CALN1: variants seen among roughly 807,000 people sequenced by gnomAD.
CALN1 encodes calneuron 1.
Under a neutral mutation model 30.6 loss-of-function variants are expected in CALN1, and 17 were observed. The ratio of observed to expected loss-of-function variants is 0.56; its 90% CI spans 0.38 to 0.83. CALN1 has a LOEUF of 0.83. Among genes scored for constraint, CALN1 ranks in the 40% least tolerant of loss-of-function variants. The pLI is 0.00. For synonymous variants in CALN1, 156 were observed against 131.4 expected, an observed-to-expected ratio of 1.19 and a Z score of -1.28; for missense variants, 291 against 354.9, an observed-to-expected ratio of 0.82 and a Z score of 1.45.
intron 2 of CALN1, among the ~76,000 whole-genome samples, chr7:72,365,078 G>A (rs959316246): frequency 6.6e-5 from 10 of 152,104 alleles, no homozygotes; most frequent in African/African-American, 2.4e-4. Context: ...GCCAAGGCAG[G>A]TGGATCACCT....
At chr7:72,172,678 A>G (rs1789055862) in intron 3 of CALN1, among the ~76,000 whole-genome samples, 1 of 152,250 alleles carries the variant, frequency 6.6e-6, no homozygotes, top group African/African-American at 2.4e-5. Flanking sequence ...TCAACTGAAT[A>G]AGTTGAAAAT....
At chr7:72,391,982 C>T (rs1805609987) in intron 2 of CALN1, among the ~76,000 whole-genome samples, 1 of 152,172 alleles carries the variant, frequency 6.6e-6, no homozygotes, top group Admixed American at 6.5e-5. Context: ...CTGCTTTGAC[C>T]CCTAGAGTAT....
At chr7:71,847,922 C>T (rs1325066636) in intron 5 of CALN1, among the ~76,000 whole-genome samples, 3 of 152,020 alleles carry the variant, frequency 2.0e-5, no homozygotes, top group Non-Finnish European at 4.4e-5. Context: ...GTAAGAAGTG[C>T]CTTTTTTCTT....
At chr7:72,200,874 A>G (rs1791370561) in intron 3 of CALN1, among the ~76,000 whole-genome samples, 1 of 152,206 alleles carries the variant, frequency 6.6e-6, no homozygotes, top group African/African-American at 2.4e-5. Context: ...CAACTTGGAG[A>G]TTTCTCAAAG....
intron 3 of CALN1, among the ~76,000 whole-genome samples, chr7:72,268,794 C>CACACACACAA (rs745815601): frequency 0.13 from 2,200 of 16,868 alleles, 27 homozygotes; most frequent in East Asian, 0.44. Context: ...AAGACCCTGC[C>CACACACACAA]ACACACACAC....
chr7:72,286,464 T>C (rs1798085150), intron 2 of CALN1, among the ~76,000 whole-genome samples: 1 of 152,202 alleles, frequency 6.6e-6, no homozygotes, highest in Admixed American at 6.5e-5. Context: ...ATGGGGATTA[T>C]GATTTTTCAT....
the CALN1 span, among the ~76,000 whole-genome samples, chr7:72,473,749 G>A: frequency 1.4e-4 from 22 of 151,816 alleles, no homozygotes; most frequent in African/African-American, 4.1e-4. Flanking sequence ...CCTGGCCAAC[G>A]TGGCGAAACC....
At chr7:72,345,460 A>G (rs867096379) in intron 2 of CALN1, among the ~76,000 whole-genome samples, 49 of 150,670 alleles carry the variant, frequency 3.3e-4, no homozygotes, top group African/African-American at 1.1e-3. Flanking sequence ...ACAAAAAGAC[A>G]AAAGAAAGAG....
rs539985728 is a variant in CALN1 at position 72,327,066 on chromosome 7, T to C, written c.120-48256A>G. 3.9e-5 allele frequency among the ~76,000 whole-genome samples: 6 copies of C among 152,378 alleles called. No individual in the cohort carries two copies. In the South Asian group the frequency reaches 8.3e-4, roughly 21 times the overall value. ...TCCAATCCAACACTATTCAGTCATA[T>C]TGAGACTGAGTTTGTGGCAGTTAAT... On this transcript the variant is annotated intron_variant, in intron 2 of 6. Transcript: ENST00000395275.
At chr7:72,189,183 G>C (rs527777422) in intron 3 of CALN1, among the ~76,000 whole-genome samples, 2 of 152,342 alleles carry the variant, frequency 1.3e-5, no homozygotes, top group East Asian at 3.9e-4. Flanking sequence ...AATCGTTGTG[G>C]ATTATCATGA....
chr7:72,409,773 C>G (rs767131455), intron 1 of CALN1, among the ~76,000 whole-genome samples: 2 of 152,074 alleles, frequency 1.3e-5, no homozygotes, highest in African/African-American at 4.8e-5. Flanking sequence ...GGTTCCCAGG[C>G]TGTTACTCGA....
intron 4 of CALN1, among the ~76,000 whole-genome samples, chr7:72,071,269 C>T (rs1017967405): frequency 9.9e-5 from 15 of 152,256 alleles, no homozygotes; most frequent in African/African-American, 3.1e-4. Flanking sequence ...ATAGGGGTTC[C>T]GTGCTCTGAC....
chr7:72,375,577 A>AAAG (rs1409260439), intron 2 of CALN1, among the ~76,000 whole-genome samples: 1 of 151,390 alleles, frequency 6.6e-6, no homozygotes, highest in East Asian at 1.9e-4. Context: ...GGAAAAAAAA[A>AAAG]AAAAAGAAAA....
intron 4 of CALN1, among the ~76,000 whole-genome samples, chr7:72,052,098 G>A (rs766028704): frequency 6.6e-6 from 1 of 152,156 alleles, no homozygotes; most frequent in Non-Finnish European, 1.5e-5. Flanking sequence ...CACTATTCAG[G>A]AGATGGTATG....
At chr7:72,197,360 C>T (rs1418445601) in intron 3 of CALN1, among the ~76,000 whole-genome samples, 1 of 151,910 alleles carries the variant, frequency 6.6e-6, no homozygotes, top group African/African-American at 2.4e-5. Flanking sequence ...CACCACCACG[C>T]ATGGCTAATT....
chr7:72,188,413 G>C (rs1027877623), intron 3 of CALN1, among the ~76,000 whole-genome samples: 3 of 152,284 alleles, frequency 2.0e-5, no homozygotes, highest in South Asian at 4.1e-4. Context: ...AACATGGATG[G>C]AATTGGAGAC....
chr7:71,810,401 A>G lies in CALN1; in HGVS notation c.593T>C (p.Ile198Thr). Residue 198 changes from isoleucine (I) to threonine (T), a missense_variant, in exon 6 of 7, where the codon ATC (isoleucine) becomes ACC (threonine). Physicochemically the swap from Ile to Thr is moderately conservative, Grantham distance 89. This residue lies in a region of CALN1 where 169 missense variants were observed against 251.7 expected (regional missense o/e 0.67). Coordinates refer to ENST00000395275, the MANE Select transcript of CALN1 (RefSeq NM_031468.4). ...DHLTMKDIENIIINEEESLNE... is the reference protein window; with the variant it reads ...DHLTMKDIENTIINEEESLNE... ...CAGGCTCTCTTCCTCATTGATAATG[A>G]TGTTCTCAATGTCCTTCATCGTTAG... 1 of 1,614,038 alleles carries G rather than the reference A, an allele frequency of 6.2e-7. No individual in the cohort carries two copies. The highest frequency in any genetic ancestry group is 1.1e-5 in the South Asian group (1 of 91,066).
intron 3 of CALN1, among the ~76,000 whole-genome samples, chr7:72,191,974 G>C (rs187778813): frequency 1.3e-5 from 2 of 152,040 alleles, no homozygotes; most frequent in Non-Finnish European, 2.9e-5. Context: ...CTTCGATGGC[G>C]ATTACCTTTA....
At chr7:71,859,047 T>A (rs890981782) in intron 5 of CALN1, among the ~76,000 whole-genome samples, 1 of 152,112 alleles carries the variant, frequency 6.6e-6, no homozygotes, top group Non-Finnish European at 1.5e-5. Context: ...TTTTTGTCTT[T>A]TTTCTTTTTT....
Sources: allele counts gnomAD v4.1 joint callset (sites outside exome capture counted in the v4.1 genomes callset), GRCh38; gene constraint gnomAD v4.1.1; regional missense constraint gnomAD v4.1.1; transcripts MANE v1.5; gene names NCBI Gene and HGNC (gene_info 2026-07-23, HGNC 2026-07-21).